The following GRK1 variants were observed in gnomAD, a reference collection of about 807,000 sequenced individuals.
GRK1 encodes rhodopsin kinase GRK1.
GRK1 carries 28 observed loss-of-function variants against 41.7 expected under a neutral mutation model. The ratio of observed to expected loss-of-function variants is 0.67; its 90% confidence interval spans 0.50 to 0.92. GRK1 has a LOEUF of 0.92. Ranked by LOEUF, GRK1 falls within the 40% of genes least tolerant of loss-of-function variation. GRK1 has a pLI of 0.00. For missense variants in GRK1, 703 were observed against 671.2 expected (o/e 1.05, Z -0.52); for synonymous variants, 327 against 286.7 (o/e 1.14, Z -1.42).
the GRK1 span, among the ~76,000 whole-genome samples, chr13:113,657,807 C>G: frequency 6.6e-6 from 1 of 152,258 alleles, no homozygotes; most frequent in African/African-American, 2.4e-5. Context: ...CACCGGCGTT[C>G]TGCAGCTGGG....
At chr13:113,732,414 T>C (rs1035463828) in intron 5 of GRK1, among the ~76,000 whole-genome samples, 2 of 152,174 alleles carry the variant, frequency 1.3e-5, no homozygotes, top group African/African-American at 2.4e-5. Context: ...GTAGCGTCAA[T>C]GGCCTGATCC....
intron 5 of GRK1, 46 bp from the exon 6 acceptor site, chr13:113,732,838 A>G: frequency 6.5e-7 from 1 of 1,532,440 alleles, no homozygotes; most frequent in Non-Finnish European, 8.7e-7. Context: ...CTGACCACCC[A>G]AGAGAGGCGG....
intron 5 of GRK1, among the ~76,000 whole-genome samples, 170 bp from the exon 6 acceptor site, chr13:113,732,714 A>C (rs548983855): frequency 6.6e-6 from 1 of 152,194 alleles, no homozygotes; most frequent in East Asian, 1.9e-4. Flanking sequence ...TTAGGATTCC[A>C]TTCCTGAGAC....
chr13:113,649,259 C>G, the GRK1 span: 11 of 1,345,166 alleles, frequency 8.2e-6, no homozygotes, highest in Non-Finnish European at 1.1e-5. The surrounding 1 kb of genome is among the most constrained non-coding windows in gnomAD (Gnocchi z 4.7). Flanking sequence ...AACACCGTTG[C>G]TCCAAACCAC....
chr13:113,669,924 C>T, intron 2 of GRK1, 110 bp downstream of exon 2: 1 of 1,345,704 alleles, frequency 7.4e-7, no homozygotes. Flanking sequence ...CCAGGCCTGC[C>T]CTCGAGGGAA....
chr13:113,653,358 C>T, the GRK1 span: 3 of 1,614,188 alleles, frequency 1.9e-6, no homozygotes, highest in Non-Finnish European at 2.5e-6. Flanking sequence ...TGAGGTCTGC[C>T]CAGGTTCTGT....
intron 6 of GRK1, among the ~76,000 whole-genome samples, chr13:113,733,861 A>ACGTGTGTG (rs1378140969): frequency 1.0e-5 from 1 of 98,172 alleles, no homozygotes; most frequent in African/African-American, 5.1e-5. Flanking sequence ...ATGTGTGCAT[A>ACGTGTGTG]CGTGTGTGCG....
chr13:113,655,815 A>G, the GRK1 span, among the ~76,000 whole-genome samples: 2 of 152,128 alleles, frequency 1.3e-5, no homozygotes, highest in Admixed American at 6.5e-5. Flanking sequence ...TTCTCCAGTG[A>G]CCCAAAACAC....
Position 113,737,431 on chromosome 13 carries a change from G to T in GRK1, c.*2068G>T, listed in dbSNP as rs2050012783. ...CACGTCTTCCCATAGATCCCACATCGGCCACACCCTGGGTGAGGAGCATGT... is the reference window on the plus strand; with the variant it reads ...CACGTCTTCCCATAGATCCCACATCTGCCACACCCTGGGTGAGGAGCATGT... On this transcript the variant is annotated 3_prime_UTR_variant, in exon 7 of 7. Transcript: ENST00000335678. 8.1e-6 allele frequency: 1 copy of T among 122,710 alleles called. No homozygotes were observed. The highest frequency in any genetic ancestry group is 3.5e-5 in the African/African-American group (1 of 28,872). The allele number at this position is 122,710 out of a possible 1,614,324, so 7.6% of individuals were successfully genotyped here. A position where few individuals can be genotyped will look rare whatever the true frequency, so the allele number is the denominator to read the frequency against.
At chr13:113,658,350 G>GC in the GRK1 span, among the ~76,000 whole-genome samples, 2 of 152,244 alleles carry the variant, frequency 1.3e-5, no homozygotes, top group Non-Finnish European at 2.9e-5. Flanking sequence ...CCCGGCTGTT[G>GC]CCCCTGGGGC....
chr13:113,733,847 GTGTATGTGTGCATA>G (rs1594582102), intron 6 of GRK1, among the ~76,000 whole-genome samples: 2 of 137,814 alleles, frequency 1.5e-5, no homozygotes, highest in Non-Finnish European at 3.0e-5. Flanking sequence ...GCGTGTGCAT[GTGTATGTGTGCATA>G]CGTGTGTGCG....
intron 5 of GRK1, 43 bp from the exon 6 acceptor site, chr13:113,732,841 A>G: frequency 2.0e-6 from 3 of 1,498,536 alleles, no homozygotes; most frequent in Non-Finnish European, 2.7e-6. Context: ...ACCACCCAAG[A>G]GAGGCGGGTC....
chr13:113,732,629 G>A (rs533612124), intron 5 of GRK1, among the ~76,000 whole-genome samples: 1 of 152,338 alleles, frequency 6.6e-6, no homozygotes, highest in South Asian at 2.1e-4. Flanking sequence ...TGGTGGGTGC[G>A]GCTGTGCTGG....
chr13:113,728,429 T>C (rs964038181), intron 4 of GRK1, among the ~76,000 whole-genome samples: 4 of 147,546 alleles, frequency 2.7e-5, no homozygotes, highest in Non-Finnish European at 6.0e-5. Flanking sequence ...GGAGTACCCA[T>C]GGCGATGAGG....
At chr13:113,726,181 G>C (rs867133737) in intron 4 of GRK1, among the ~76,000 whole-genome samples, 1 of 3,348 alleles carries the variant, frequency 3.0e-4, no homozygotes, top group Non-Finnish European at 4.6e-4. Flanking sequence ...ATGCGCGGTC[G>C]TAGTTTGAGG....
intron 6 of GRK1, among the ~76,000 whole-genome samples, chr13:113,733,777 A>C (rs1348983355): frequency 1.4e-5 from 1 of 72,904 alleles, no homozygotes; most frequent in Non-Finnish European, 2.6e-5. Context: ...GTGTGTGCAT[A>C]CGTGTGTGCA....
rs926145657 is a variant in GRK1, at chr13:113,737,206, G to C, written c.*1843G>C. On this transcript the variant is annotated 3_prime_UTR_variant, in exon 7 of 7. Transcript: ENST00000335678. ...AGCTTCTGGAGGGAAGATAGGCCAC[G>C]CCCCTGGGTGAGGAGCACGTCTTCC... 5 of 151,746 alleles carry C rather than the reference G, an allele frequency of 3.3e-5. No homozygotes were observed. Among genetic ancestry groups the C allele is most frequent in the African/African-American group, 1.2e-4 (5 of 40,348 alleles). The allele number at this position is 151,746 out of a possible 1,614,324, so 9.4% of individuals were successfully genotyped here.
upstream of GRK1, among the ~76,000 whole-genome samples, chr13:113,662,400 G>A (rs940607327): frequency 1.3e-5 from 2 of 152,300 alleles, no homozygotes; most frequent in Admixed American, 6.5e-5. Context: ...CCCAAGACCG[G>A]GAACAAGCCC....
chr13:113,667,151 C>T (rs910465348), upstream of GRK1: 8 of 512,778 alleles, frequency 1.6e-5, no homozygotes, highest in East Asian at 3.0e-5. This position sits in a 1 kb window ranked among gnomAD's most constrained non-coding sequence, Gnocchi z 7.5. Context: ...CACTCCTAAG[C>T]GTCCTCCGTG....
Sources: gnomAD v4.1 joint callset for allele counts (sites outside exome capture counted in the v4.1 genomes callset) on GRCh38, gnomAD v4.1.1 for gene constraint, Gnocchi (gnomAD v3.1) non-coding constraint, MANE v1.5 for transcripts, NCBI Gene and HGNC (gene_info 2026-07-23, HGNC 2026-07-21) for gene names.